NRG1: variants seen among roughly 807,000 people sequenced by gnomAD.
NRG1 encodes the protein pro-neuregulin-1, membrane-bound isoform.
A neutral mutation model predicts 63.8 loss-of-function variants in NRG1; 18 were observed. The ratio of observed to expected loss-of-function variants is 0.28; its 90% CI spans 0.19 to 0.42. The LOEUF is 0.42. Among genes scored for constraint, NRG1 ranks in the 10% least tolerant of loss-of-function variants. The probability of loss-of-function intolerance (pLI) is 1.00; values close to 1 mark genes in which losing one functional copy is unlikely to be tolerated. For missense variants in NRG1, 762 were observed against 814.7 expected (o/e 0.94, Z 0.79); for synonymous variants, 302 against 301.3 (o/e 1.00, Z -0.02).
chr8:32,770,141 G>C (rs772330743), downstream of NRG1, among the ~76,000 whole-genome samples: 6 of 152,224 alleles, frequency 3.9e-5, no homozygotes, highest in Non-Finnish European at 8.8e-5. Context: ...ATGCCAAAAA[G>C]GCTAAAGAAT....
At chr8:32,458,214 C>A (rs1477059231) in intron 1 of NRG1, among the ~76,000 whole-genome samples, 1 of 152,086 alleles carries the variant, frequency 6.6e-6, no homozygotes, top group Non-Finnish European at 1.5e-5. Context: ...CTGTGCCCGG[C>A]CTCATGTAGA....
intron 1 of NRG1, among the ~76,000 whole-genome samples, chr8:32,234,550 TAC>T (rs1847330273): frequency 1.3e-5 from 2 of 152,236 alleles, no homozygotes; most frequent in Admixed American, 1.3e-4. Context: ...TTGCTCGCTC[TAC>T]ATTCCATATT....
chr8:32,511,251 A>G (rs1481239360), intron 1 of NRG1, among the ~76,000 whole-genome samples: 1 of 150,540 alleles, frequency 6.6e-6, no homozygotes, highest in African/African-American at 2.4e-5. Context: ...CAAATACATC[A>G]GTAAACAAAC....
chr8:31,905,567 T>C (rs1185332067), intron 1 of NRG1, among the ~76,000 whole-genome samples: 2 of 152,224 alleles, frequency 1.3e-5, no homozygotes, highest in Non-Finnish European at 2.9e-5. Context: ...GATCATTCCC[T>C]GTTTCTGTTT....
chr8:32,299,990 T>C (rs563792481), intron 1 of NRG1, among the ~76,000 whole-genome samples: 9 of 152,290 alleles, frequency 5.9e-5, no homozygotes, highest in Non-Finnish European at 1.0e-4. Context: ...TCAGATTGAA[T>C]CATTTTGGAT....
chr8:31,864,922 C>T (rs1449409664), intron 1 of NRG1, among the ~76,000 whole-genome samples: 2 of 152,094 alleles, frequency 1.3e-5, no homozygotes, highest in Non-Finnish European at 2.9e-5. Context: ...GCACCACTGA[C>T]CTCTCTGTTT....
At chr8:31,989,253 C>CAAAAAAAAAAAAAAAAAAAAAAAA (rs10692906) in intron 1 of NRG1, among the ~76,000 whole-genome samples, 79 of 47,438 alleles carry the variant, frequency 1.7e-3, no homozygotes, top group African/African-American at 3.5e-3. Context: ...GACTCTGTCT[C>CAAAAAAAAAAAAAAAAAAAAAAAA]AAAAAAAAAA....
rs956518073 is a variant in NRG1, at chr8:31,956,055, A to C, written c.37+316624A>C. ...GAACCTGTCTCAAAAAAAAAAAAAC[A>C]AAAAAACAAAAAAACAAAAAACAAA... On this transcript the variant is annotated intron_variant, in intron 1 of 10. Transcript: ENST00000519301. Among the ~76,000 whole-genome samples the C allele has an allele frequency of 8.2e-5, 12 of 146,282 alleles. No homozygotes were observed. The East Asian group carries it at 2.4e-3, about 29-fold the overall frequency.
intron 1 of NRG1, among the ~76,000 whole-genome samples, chr8:32,504,142 A>C (rs183365213): frequency 6.6e-6 from 1 of 152,266 alleles, no homozygotes; most frequent in Non-Finnish European, 1.5e-5. Flanking sequence ...CTTAGCCGGA[A>C]GCTGCTGATC....
At chr8:32,090,601 G>T (rs532843853) in intron 1 of NRG1, among the ~76,000 whole-genome samples, 9 of 152,264 alleles carry the variant, frequency 5.9e-5, no homozygotes, top group South Asian at 2.1e-4. Context: ...GATTACAGGC[G>T]TGAGCCACTG....
At chr8:32,548,214 C>G (rs922161045), upstream of NRG1, 1 of 983,726 alleles carries the variant, frequency 1.0e-6, no homozygotes, top group African/African-American at 1.7e-5. Flanking sequence ...GGGGGCGAGG[C>G]CAGGGGAGGG....
chr8:32,510,687 A>G (rs573761384), intron 1 of NRG1, among the ~76,000 whole-genome samples: 29 of 152,080 alleles, frequency 1.9e-4, no homozygotes, highest in Non-Finnish European at 3.2e-4. Context: ...TAACTAAAAC[A>G]AAGGGCTCAG....
chr8:31,653,974 A>G (rs1255451008), intron 1 of NRG1, among the ~76,000 whole-genome samples: 1 of 149,322 alleles, frequency 6.7e-6, no homozygotes, highest in Non-Finnish European at 1.5e-5. Flanking sequence ...TTTTCATAGT[A>G]GGATAAATTA....
Position 31,896,870 on chromosome 8 carries a change from G to T in NRG1, c.37+257439G>T, listed in dbSNP as rs892838520. Among the ~76,000 whole-genome samples, 52 of 152,146 alleles carry T rather than the reference G, an allele frequency of 3.4e-4. 1 individual carries two copies. Among genetic ancestry groups the T allele is most frequent in the Admixed American group, 3.3e-3 (50 of 15,276 alleles). ...CACATTTTTTGGTGACTATTTATGA[G>T]TGTCTTCTTTGCTTAACTGTCTTCC... On this transcript the variant is annotated intron_variant, in intron 1 of 10. Transcript: ENST00000519301.
chr8:32,237,582 G>A (rs1343086371), intron 1 of NRG1, among the ~76,000 whole-genome samples: 2 of 152,044 alleles, frequency 1.3e-5, no homozygotes, highest in Admixed American at 1.3e-4. Flanking sequence ...AGGTGATTGT[G>A]TTTTCCAGAG....
chr8:31,660,309 A>G (rs1805857069), intron 1 of NRG1, among the ~76,000 whole-genome samples: 2 of 152,322 alleles, frequency 1.3e-5, no homozygotes, highest in Non-Finnish European at 2.9e-5. Flanking sequence ...ATGCTTGACC[A>G]GGATTAAGCC....
At chr8:32,033,104 T>G (rs1818517599) in intron 1 of NRG1, among the ~76,000 whole-genome samples, 8 of 149,958 alleles carry the variant, frequency 5.3e-5, no homozygotes, top group Admixed American at 5.3e-4. Context: ...TTTTTTTTTT[T>G]TTTTTTTGGA....
At chr8:32,367,189 T>G (rs1333293903) in intron 1 of NRG1, among the ~76,000 whole-genome samples, 1 of 152,212 alleles carries the variant, frequency 6.6e-6, no homozygotes, top group Non-Finnish European at 1.5e-5. Flanking sequence ...ATAGTTCTAC[T>G]TTTAGTTTTT....
intron 1 of NRG1, among the ~76,000 whole-genome samples, chr8:32,437,587 A>C (rs911804673): frequency 1.7e-4 from 26 of 152,202 alleles, no homozygotes; most frequent in African/African-American, 5.8e-4. Flanking sequence ...ACTGGTTTTC[A>C]CAAAAACAAG....
Sources: gnomAD v4.1 joint callset for allele counts (sites outside exome capture counted in the v4.1 genomes callset) on GRCh38, gnomAD v4.1.1 for gene constraint, MANE v1.5 for transcripts, NCBI Gene and HGNC (gene_info 2026-07-23, HGNC 2026-07-21) for gene names.